Variants in ARHGAP39 observed in about 807,000 individuals in gnomAD.
The protein encoded by ARHGAP39 is rho GTPase-activating protein 39.
A neutral mutation model predicts 106.9 loss-of-function variants in ARHGAP39; 44 were observed. That is an observed-to-expected ratio of 0.41 (90% CI 0.32 to 0.53). ARHGAP39 has a LOEUF of 0.53. Ranked by LOEUF, ARHGAP39 falls within the 20% of genes least tolerant of loss-of-function variation. ARHGAP39 has a pLI of 0.21. For synonymous variants in ARHGAP39, 768 were observed against 693.2 expected, an observed-to-expected ratio of 1.11 and a Z score of -1.69; for missense variants, 1,496 against 1,577.3, an observed-to-expected ratio of 0.95 and a Z score of 0.87.
chr8:144,562,446 A>G (rs554787220), intron 3 of ARHGAP39, among the ~76,000 whole-genome samples: 6 of 126,898 alleles, frequency 4.7e-5, no homozygotes, highest in African/African-American at 1.5e-4. Context: ...TTTCCATCGG[A>G]CTCCAGTGGT....
In ARHGAP39 at chr8:144,605,585, C is replaced by T; in HGVS notation, c.30G>A (p.Arg10=). 2 of 1,613,846 alleles carry T rather than the reference C, an allele frequency of 1.2e-6. No homozygotes were observed. Among genetic ancestry groups the T allele is most frequent in the Non-Finnish European group, 1.7e-6 (2 of 1,180,046 alleles). The change falls in exon 2 of 12, where the codon AGG becomes AGA. Residue 10 remains arginine (R), a synonymous_variant. Transcript: ENST00000377307. The part of the protein sequence containing the change: MSQTQDYEC[R]SHNVDLPESR... The stretch of plus-strand genomic sequence containing the variant: ...ACTCCGGCAGGTCGACATTATGGCT[C>T]CTGCACTCGTAGTCCTGCGTCTGGG...
At chr8:144,633,613 T>C (rs1821116859) in intron 1 of ARHGAP39, among the ~76,000 whole-genome samples, 1 of 152,250 alleles carries the variant, frequency 6.6e-6, no homozygotes, top group African/African-American at 2.4e-5. Flanking sequence ...GGAGTTTACT[T>C]TCAAGTCACA....
intron 6 of ARHGAP39, among the ~76,000 whole-genome samples, chr8:144,541,537 C>T (rs1817192053): frequency 6.6e-6 from 1 of 152,218 alleles, no homozygotes; most frequent in South Asian, 2.1e-4. Context: ...TTCTCCCTCC[C>T]TCAGCCGTGG....
At chr8:144,622,500 C>T (rs569849564) in intron 1 of ARHGAP39, among the ~76,000 whole-genome samples, 91 of 152,066 alleles carry the variant, frequency 6.0e-4, no homozygotes, top group African/African-American at 2.0e-3. Flanking sequence ...CGGCTGTGCC[C>T]GGAGCCGCCC....
intron 3 of ARHGAP39, among the ~76,000 whole-genome samples, chr8:144,569,329 T>C (rs572785248): frequency 6.6e-6 from 1 of 152,372 alleles, no homozygotes; most frequent in Non-Finnish European, 1.5e-5. Flanking sequence ...AAAATGTATG[T>C]CCAAACAAAG....
Position 144,533,344 on chromosome 8 carries a change from C to T in ARHGAP39, c.2689-19G>A, listed in dbSNP as rs201878237. 208 of 1,607,380 alleles carry T rather than the reference C, an allele frequency of 1.3e-4. No individual in the cohort carries two copies. In the African/African-American group the frequency reaches 1.7e-3, roughly 13 times the overall value. Reference sequence around the variant, plus strand: ...TCAGCCCCTGTGAAGACAGAGGCTCCGTCCTGGTCTGGCCTGGCCATCCTC... The same window carrying T: ...TCAGCCCCTGTGAAGACAGAGGCTCTGTCCTGGTCTGGCCTGGCCATCCTC... On this transcript the variant is annotated intron_variant, in intron 8 of 11. Coordinates refer to ENST00000377307, the MANE Select transcript of ARHGAP39 (RefSeq NM_025251.3).
chr8:144,609,286 C>T (rs937383438), intron 1 of ARHGAP39, among the ~76,000 whole-genome samples: 6 of 151,926 alleles, frequency 3.9e-5, no homozygotes, highest in African/African-American at 1.5e-4. Context: ...TTGAAATGAT[C>T]ACATGGTTTC....
chr8:144,574,275 G>A (rs1406055560), intron 3 of ARHGAP39, among the ~76,000 whole-genome samples: 44 of 152,082 alleles, frequency 2.9e-4, no homozygotes. Flanking sequence ...TGTCTCACAC[G>A]TATAATCCCA....
At chr8:144,635,175 T>C (rs1465461742) in intron 1 of ARHGAP39, among the ~76,000 whole-genome samples, 1 of 152,226 alleles carries the variant, frequency 6.6e-6, no homozygotes, top group Non-Finnish European at 1.5e-5. Flanking sequence ...CTGCAGCCCC[T>C]AGGTGGCTTG....
intron 1 of ARHGAP39, among the ~76,000 whole-genome samples, chr8:144,609,248 A>AT (rs1205533905): frequency 5.3e-5 from 8 of 152,274 alleles, no homozygotes; most frequent in African/African-American, 1.7e-4. Flanking sequence ...TGGATGTTGG[A>AT]TTTTGTAAAA....
intron 2 of ARHGAP39, among the ~76,000 whole-genome samples, chr8:144,590,864 G>T (rs552883946): frequency 6.6e-6 from 1 of 151,800 alleles, no homozygotes; most frequent in Non-Finnish European, 1.5e-5. Flanking sequence ...GAGCCTTGTC[G>T]ACCGCCCTGG....
At chr8:144,600,654 G>A (rs1369360557) in intron 2 of ARHGAP39, among the ~76,000 whole-genome samples, 2 of 149,980 alleles carry the variant, frequency 1.3e-5, no homozygotes, top group Non-Finnish European at 3.0e-5. Context: ...GTGCATGGAG[G>A]TGTGCGTGCA....
chr8:144,552,746 C>A (rs778611056), intron 4 of ARHGAP39, among the ~76,000 whole-genome samples: 2 of 152,136 alleles, frequency 1.3e-5, no homozygotes, highest in African/African-American at 4.8e-5. Context: ...GGTAGTAGCA[C>A]GCCTTCACTG....
chr8:144,648,116 G>A (rs548243463), intron 1 of ARHGAP39, among the ~76,000 whole-genome samples: 31 of 152,284 alleles, frequency 2.0e-4, no homozygotes, highest in African/African-American at 7.0e-4. Context: ...GCCCTACCCT[G>A]AGGACACCAT....
At chr8:144,690,424 C>T (rs543906253), upstream of ARHGAP39, among the ~76,000 whole-genome samples, 5 of 152,138 alleles carry the variant, frequency 3.3e-5, no homozygotes, top group East Asian at 3.9e-4. Context: ...ACATTCCCAC[C>T]GACAGTGCAT....
At chr8:144,600,601 T>C (rs1819843924) in intron 2 of ARHGAP39, among the ~76,000 whole-genome samples, 1 of 146,324 alleles carries the variant, frequency 6.8e-6, no homozygotes, top group South Asian at 2.2e-4. Context: ...TGAGTGTGCG[T>C]GTTCGTGGAG....
At chr8:144,584,991 G>T (rs111974186) in intron 2 of ARHGAP39, among the ~76,000 whole-genome samples, 1,673 of 152,260 alleles carry the variant, frequency 0.011, 31 homozygotes, top group African/African-American at 0.038. Flanking sequence ...TCACCTCTTT[G>T]TTGGCTCTGC....
chr8:144,553,624 C>T (rs1187367092), intron 4 of ARHGAP39, among the ~76,000 whole-genome samples: 2 of 152,264 alleles, frequency 1.3e-5, no homozygotes. Context: ...CCAGACACCA[C>T]TGGACCTCTG....
intron 1 of ARHGAP39, among the ~76,000 whole-genome samples, chr8:144,676,624 G>A (rs1352310043): frequency 2.0e-5 from 3 of 152,242 alleles, no homozygotes; most frequent in African/African-American, 4.8e-5. Context: ...AAGCCCAGCC[G>A]GCTTCACCTC....
Sources: allele counts gnomAD v4.1 joint callset (sites outside exome capture counted in the v4.1 genomes callset), GRCh38; gene constraint gnomAD v4.1.1; transcripts MANE v1.5; gene names NCBI Gene and HGNC (gene_info 2026-07-23, HGNC 2026-07-21).